ANO7: variants seen among roughly 807,000 people sequenced by gnomAD.
ANO7 encodes anoctamin-7.
A neutral mutation model predicts 115.8 loss-of-function variants in ANO7; 114 were observed. The observed-to-expected ratio is 0.98, with a 90% CI of 0.85 to 1.15. The LOEUF (loss-of-function observed/expected upper bound fraction) is 1.15. Ranked by LOEUF, ANO7 falls within the 50% of genes most tolerant of loss-of-function variation. The probability of loss-of-function intolerance (pLI) is 0.00; values close to 1 mark genes in which losing one functional copy is unlikely to be tolerated. For missense variants in ANO7, 1,302 were observed against 1,201.2 expected, an observed-to-expected ratio of 1.08 and a Z score of -1.24; for synonymous variants, 550 against 498.2, an observed-to-expected ratio of 1.10 and a Z score of -1.38.
chr2:241,216,683 A>C (rs1433114351), intron 19 of ANO7, among the ~76,000 whole-genome samples: 5 of 152,068 alleles, frequency 3.3e-5, no homozygotes, highest in Non-Finnish European at 7.4e-5. Context: ...CTGTCACCTT[A>C]CCAGGTGGTG....
Position 241,204,855 on chromosome 2 carries a change from C to G in ANO7, c.890-10C>G. On this transcript the variant is annotated splice_polypyrimidine_tract_variant and intron_variant, in intron 9 of 24. Coordinates refer to ENST00000674324, the MANE Select transcript of ANO7 (RefSeq NM_001370694.2). ...TTCCTGATGGTGGACCCCTGCCATC[C>G]TCTCTACAGGGTTTTACACAGGCTG... 3.1e-6 allele frequency: 5 copies of G among 1,611,414 alleles called. No individual in the cohort carries two copies. In the South Asian group the frequency reaches 5.5e-5, roughly 18 times the overall value.
intron 13 of ANO7, among the ~76,000 whole-genome samples, chr2:241,210,092 A>C (rs1340512346): frequency 6.6e-6 from 1 of 152,112 alleles, no homozygotes; most frequent in African/African-American, 2.4e-5. Context: ...CTCTAACTCT[A>C]ACCCCACCCC....
chr2:241,222,166 G>A (rs1246514675), intron 21 of ANO7, among the ~76,000 whole-genome samples: 1 of 151,850 alleles, frequency 6.6e-6, no homozygotes, highest in Admixed American at 6.6e-5. Context: ...CCCAGGAGGC[G>A]GAGGTTGCAG....
the ANO7 span, among the ~76,000 whole-genome samples, chr2:241,233,009 G>T: frequency 6.6e-6 from 1 of 151,894 alleles, no homozygotes; most frequent in Admixed American, 6.6e-5. The surrounding 1 kb of genome is among the most constrained non-coding windows in gnomAD (Gnocchi z 4.3). Context: ...AGGGGAAGCA[G>T]CGGAAAACCC....
At chr2:241,196,643 G>A (rs913280391) in intron 4 of ANO7, among the ~76,000 whole-genome samples, 9 of 152,252 alleles carry the variant, frequency 5.9e-5, no homozygotes, top group African/African-American at 1.7e-4. Context: ...CGGCAGAGCT[G>A]AATCTCATGC....
chr2:241,190,291 T>C, intron 2 of ANO7, 120 bp downstream of exon 2: 1 of 838,580 alleles, frequency 1.2e-6, no homozygotes, highest in Non-Finnish European at 1.9e-6. Context: ...TTCTCCTGCA[T>C]CCCCCGGCAA....
At position 241,217,905 on chromosome 2, in the gene ANO7, G is replaced by C. The variant is rs766749447; in HGVS notation, c.2178+14G>C. On this transcript the variant is annotated intron_variant, in intron 20 of 24. Transcript: ENST00000674324. ...GTCATCAGCAACGTGAGGCCCGGGC[G>C]GGAGCGCGGGGCGGGGCGGGGGCGC... The C allele has an allele frequency of 1.4e-5, 21 of 1,491,084 alleles. No homozygotes were observed. The highest frequency in any genetic ancestry group is 2.1e-4 in the Middle Eastern group (1 of 4,674). 92.4% of individuals were successfully genotyped at this position (1,491,084 alleles called of 1,614,324 possible). A position where few individuals can be genotyped will look rare whatever the true frequency, so the allele number is the denominator to read the frequency against.
intron 3 of ANO7, among the ~76,000 whole-genome samples, chr2:241,193,061 G>GA (rs1425899924): frequency 6.6e-6 from 1 of 151,514 alleles, no homozygotes; most frequent in Non-Finnish European, 1.5e-5. Flanking sequence ...TGGTTGGTTG[G>GA]TTTTTTGTTT....
In ANO7 at chr2:241,195,763, C is replaced by G. The variant is rs758969537; in HGVS notation, c.227C>G (p.Ala76Gly). The stretch of plus-strand genomic sequence containing the variant: ...CTAGACAGGCAGCAGGACAGTGCCG[C>G]CCGGGACAGAACAGACATGCACAGG... ...LKLDRQQDSAARDRTDMHRTW... is the reference protein window; with the variant it reads ...LKLDRQQDSAGRDRTDMHRTW... Residue 76 changes from alanine (A) to glycine (G), a missense_variant, in exon 4 of 25, where the codon GCC becomes GGC. Coordinates refer to ENST00000674324, the MANE Select transcript of ANO7 (RefSeq NM_001370694.2). 5 of 1,614,142 alleles carry G rather than the reference C, an allele frequency of 3.1e-6. No individual in the cohort carries two copies. The African/African-American group carries it at 5.3e-5, about 17-fold the overall frequency.
downstream of ANO7, chr2:241,229,850 C>A (rs367686311): frequency 1.5e-6 from 2 of 1,356,226 alleles, no homozygotes; most frequent in South Asian, 1.2e-5. Context: ...CTGCTGCTGG[C>A]GGTCCAGGGT....
At chr2:241,233,479 A>C in the ANO7 span, among the ~76,000 whole-genome samples, 1 of 152,086 alleles carries the variant, frequency 6.6e-6, no homozygotes, top group Non-Finnish European at 1.5e-5. The surrounding 1 kb of genome is among the most constrained non-coding windows in gnomAD (Gnocchi z 4.3). Flanking sequence ...GGTGAATGAG[A>C]GCCCTTGGGA....
At chr2:241,196,633 C>T (rs922925368) in intron 4 of ANO7, among the ~76,000 whole-genome samples, 2 of 152,228 alleles carry the variant, frequency 1.3e-5, no homozygotes, top group Admixed American at 6.5e-5. Flanking sequence ...TGTTTGAGAT[C>T]GGCAGAGCTG....
At chr2:241,230,019 CCGCCTGCTCACCCCTGCACCT>C, downstream of ANO7, 1 of 1,574,548 alleles carries the variant, frequency 6.4e-7, no homozygotes, top group Non-Finnish European at 8.6e-7. This position sits in a 1 kb window ranked among gnomAD's most constrained non-coding sequence, Gnocchi z 5.0. Flanking sequence ...AGCATCCCGC[CCGCCTGCTCACCCCTGCACCT>C]CGCCTGCCTC....
chr2:241,229,491 A>C, downstream of ANO7: 7 of 769,388 alleles, frequency 9.1e-6, no homozygotes, highest in Admixed American at 4.9e-5. Context: ...GGAAGGGGGA[A>C]GAGCGTCAAC....
chr2:241,195,590 G>A (rs2068306330), intron 3 of ANO7, 113 bp from the exon 4 acceptor site: 5 of 1,012,472 alleles, frequency 4.9e-6, no homozygotes, highest in Admixed American at 2.1e-5. Context: ...CCGGCCCTGA[G>A]TGTCCAAGTG....
chr2:241,238,756 G>A, the ANO7 span: 5 of 1,564,982 alleles, frequency 3.2e-6, no homozygotes, highest in African/African-American at 6.8e-5. This position sits in a 1 kb window ranked among gnomAD's most constrained non-coding sequence, Gnocchi z 4.9. Context: ...GAATTTCTGG[G>A]GTATAGCACA....
downstream of ANO7, among the ~76,000 whole-genome samples, chr2:241,226,544 C>G (rs1320852571): frequency 6.6e-6 from 1 of 151,994 alleles, no homozygotes; most frequent in Non-Finnish European, 1.5e-5. Flanking sequence ...CCTGCCTCAG[C>G]CTCCCGAGTA....
chr2:241,214,711 G>A, intron 17 of ANO7, 94 bp from the exon 18 acceptor site: 3 of 1,144,956 alleles, frequency 2.6e-6, no homozygotes, highest in Non-Finnish European at 1.3e-6. Flanking sequence ...AGGGAGGTGG[G>A]GGCCGGGATG....
At chr2:241,217,589 G>C in intron 19 of ANO7, 97 bp from the exon 20 acceptor site, 1 of 1,353,694 alleles carries the variant, frequency 7.4e-7, no homozygotes, top group Non-Finnish European at 1.0e-6. Flanking sequence ...ATGGGGTGGC[G>C]GCACCACGTG....
Sources: gnomAD v4.1 joint callset for allele counts (sites outside exome capture counted in the v4.1 genomes callset) on GRCh38, gnomAD v4.1.1 for gene constraint, Gnocchi (gnomAD v3.1) non-coding constraint, MANE v1.5 for transcripts, NCBI Gene and HGNC (gene_info 2026-07-23, HGNC 2026-07-21) for gene names.